UBR3: variants seen among roughly 807,000 people sequenced by gnomAD.
UBR3 encodes ubiquitin protein ligase E3 component n-recognin 3.
In UBR3, 85 loss-of-function variants were observed where a neutral mutation model predicts 243.2. The observed-to-expected ratio is 0.35, with a 90% CI of 0.29 to 0.42. UBR3 has a LOEUF of 0.42. Ranked by LOEUF, UBR3 falls within the 10% of genes least tolerant of loss-of-function variation. UBR3 has a pLI of 1.00. For synonymous variants in UBR3, 748 were observed against 799.8 expected (o/e 0.94, Z 1.09); for missense variants, 1,686 against 2,300.8 (o/e 0.73, Z 5.47).
chr2:169,877,753 CTTTT>C (rs1443966003), intron 4 of UBR3, 116 bp downstream of exon 4: 1 of 1,049,246 alleles, frequency 9.5e-7, no homozygotes. Flanking sequence ...CAGTATTATT[CTTTT>C]TAAGAAAAGT....
Position 170,055,474 on chromosome 2 carries a change from A to G in UBR3, c.4675A>G (p.Ile1559Val), listed in dbSNP as rs752020654. 1.9e-6 allele frequency: 3 copies of G among 1,613,462 alleles called. No homozygotes were observed. The highest frequency in any genetic ancestry group is 2.5e-6 in the Non-Finnish European group (3 of 1,179,610). The change falls in exon 33 of 39, where the codon ATT (isoleucine) becomes GTT (valine). Residue 1559 changes from isoleucine to valine, a missense_variant. Ile to Val is a conservative substitution (Grantham distance 29). Transcript: ENST00000272793. ...TTCTCTTGCAGACCACTTTACCTGC[A>G]TTGTGAAGGTACTTTTTACCCTACT... Reference protein sequence around the residue: ...QPLRKDHFTCIVKVLFTLLYT... With the variant: ...QPLRKDHFTCVVKVLFTLLYT...
chr2:169,852,885 CAAA>C (rs1174020495), intron 1 of UBR3, among the ~76,000 whole-genome samples: 2 of 98,276 alleles, frequency 2.0e-5, no homozygotes, highest in Non-Finnish European at 4.5e-5. Flanking sequence ...AAAACAAAAC[CAAA>C]CAAATTGAGT....
intron 31 of UBR3, among the ~76,000 whole-genome samples, chr2:170,033,560 T>A (rs2090736518): frequency 7.3e-6 from 1 of 136,532 alleles, no homozygotes; most frequent in Non-Finnish European, 1.6e-5. Flanking sequence ...TCCGGAAAAT[T>A]TGATTGGTTT....
chr2:169,857,600 T>A (rs75069004), intron 1 of UBR3, among the ~76,000 whole-genome samples: 30,874 of 143,040 alleles, frequency 0.22, 3,715 homozygotes, highest in African/African-American at 0.32. Flanking sequence ...TTTTTTTTTT[T>A]ATTTTTAGTA....
At position 169,994,376 on chromosome 2, in the gene UBR3, G is replaced by A; in HGVS notation, c.3838G>A (p.Glu1280Lys). 6.2e-7 allele frequency: 1 copy of A among 1,614,144 alleles called. No homozygotes were observed. The highest frequency in any genetic ancestry group is 8.5e-7 in the Non-Finnish European group (1 of 1,180,014). Reference protein sequence around the residue: ...VEPKKLPISEEEQIYPWDTCA... With the variant: ...VEPKKLPISEKEQIYPWDTCA... ...GCCAAAAAAGTTGCCGATCAGTGAA[G>A]AGGAGCAGATTTACCCTTGGGATAC... is the stretch of plus-strand genomic sequence containing the variant. Residue 1280 changes from glutamate (E) to lysine (K), a missense_variant, in exon 26 of 39, where the codon GAG becomes AAG. Coordinates refer to ENST00000272793, the MANE Select transcript of UBR3 (RefSeq NM_172070.4).
At chr2:170,004,012 T>A (rs2089814837) in intron 27 of UBR3, among the ~76,000 whole-genome samples, 1 of 152,160 alleles carries the variant, frequency 6.6e-6, no homozygotes, top group African/African-American at 2.4e-5. Context: ...GATAAGTAGT[T>A]AAGGTTTACA....
intron 30 of UBR3, among the ~76,000 whole-genome samples, chr2:170,019,706 A>T (rs2090338113): frequency 6.6e-6 from 1 of 152,124 alleles, no homozygotes; most frequent in East Asian, 1.9e-4. Flanking sequence ...ATAGAAAATT[A>T]TTTTGACATT....
intron 35 of UBR3, among the ~76,000 whole-genome samples, chr2:170,066,740 G>GT (rs2091576570): frequency 6.6e-6 from 1 of 152,074 alleles, no homozygotes; most frequent in Non-Finnish European, 1.5e-5. Flanking sequence ...GCTGAGGTGG[G>GT]CGATCACAAG....
intron 33 of UBR3, among the ~76,000 whole-genome samples, chr2:170,058,702 G>T (rs923950732): frequency 8.6e-5 from 13 of 151,816 alleles, no homozygotes; most frequent in African/African-American, 3.1e-4. Context: ...TTTTTGTGGG[G>T]AGGAAGTCTT....
chr2:170,059,765 G>A (rs1574464990), intron 33 of UBR3, among the ~76,000 whole-genome samples: 2 of 151,902 alleles, frequency 1.3e-5, no homozygotes, highest in African/African-American at 2.4e-5. Flanking sequence ...TGAATATGGC[G>A]GAAAGCACAG....
chr2:170,021,840 G>A (rs1029380892), intron 30 of UBR3, among the ~76,000 whole-genome samples: 2 of 152,116 alleles, frequency 1.3e-5, no homozygotes, highest in Non-Finnish European at 2.9e-5. Context: ...GCCATGATTT[G>A]TGACTTAAGT....
chr2:169,874,600 C>A (rs1223382243), intron 2 of UBR3, among the ~76,000 whole-genome samples: 1 of 152,198 alleles, frequency 6.6e-6, no homozygotes, highest in African/African-American at 2.4e-5. Flanking sequence ...AATTCTGTTT[C>A]TCATTCATCC....
At chr2:170,055,689 T>A in intron 33 of UBR3, 105 bp downstream of exon 33, 1 of 1,415,722 alleles carries the variant, frequency 7.1e-7, no homozygotes, top group South Asian at 1.4e-5. Context: ...TATTGGTATT[T>A]TAATTGTAAA....
intron 1 of UBR3, among the ~76,000 whole-genome samples, chr2:169,843,487 C>G (rs2105286605): frequency 6.6e-6 from 1 of 152,284 alleles, no homozygotes; most frequent in South Asian, 2.1e-4. Context: ...ATCACTTCCC[C>G]AAAGGCCCTG....
At chr2:169,856,906 G>C (rs2082893497) in intron 1 of UBR3, among the ~76,000 whole-genome samples, 1 of 151,856 alleles carries the variant, frequency 6.6e-6, no homozygotes, top group Non-Finnish European at 1.5e-5. Context: ...CAAACTTTTG[G>C]TCTTTGCAAA....
At chr2:169,878,425 CA>C in intron 4 of UBR3, 99 bp from the exon 5 acceptor site, 1 of 1,205,164 alleles carries the variant, frequency 8.3e-7, no homozygotes, top group South Asian at 1.4e-5. Flanking sequence ...CCTAACGTAA[CA>C]AAACTTAGCT....
At chr2:169,916,999 C>A (rs16857275) in intron 11 of UBR3, among the ~76,000 whole-genome samples, 8,229 of 152,164 alleles carry the variant, frequency 0.054, 397 homozygotes, top group African/African-American at 0.13. Flanking sequence ...TCTTTACCTC[C>A]CAGTGGCTTT....
chr2:170,039,437 A>AC (rs1221216641), intron 31 of UBR3, among the ~76,000 whole-genome samples: 1 of 152,084 alleles, frequency 6.6e-6, no homozygotes, highest in Non-Finnish European at 1.5e-5. Context: ...AACTTGAAAG[A>AC]CCGTATCAGG....
At chr2:169,978,808 G>A (rs1055975104) in intron 24 of UBR3, among the ~76,000 whole-genome samples, 2 of 152,096 alleles carry the variant, frequency 1.3e-5, no homozygotes, top group African/African-American at 4.8e-5. Context: ...CTAGCTCCAG[G>A]GAAGCAAGTT....
Sources: allele counts gnomAD v4.1 joint callset (sites outside exome capture counted in the v4.1 genomes callset), GRCh38; gene constraint gnomAD v4.1.1; transcripts MANE v1.5; gene names NCBI Gene and HGNC (gene_info 2026-07-23, HGNC 2026-07-21).